The following IMPA2 variants were observed in gnomAD, a reference collection of about 807,000 sequenced individuals.
IMPA2 encodes the protein inositol monophosphatase 2.
Under a neutral mutation model 35.1 loss-of-function variants are expected in IMPA2, and 32 were observed. That is an observed-to-expected ratio of 0.91 (90% CI 0.69 to 1.23). IMPA2 has a LOEUF of 1.23. IMPA2 is among the 50% of genes most tolerant of loss of function. The pLI, the probability that IMPA2 is intolerant of heterozygous loss-of-function variation, is 0.00. For missense variants in IMPA2, 334 were observed against 387.6 expected (o/e 0.86, Z 1.16); for synonymous variants, 135 against 160.6 (o/e 0.84, Z 1.20).
chr18:12,015,429 G>A (rs1198407767), intron 5 of IMPA2, among the ~76,000 whole-genome samples: 1 of 152,262 alleles, frequency 6.6e-6, no homozygotes, highest in Non-Finnish European at 1.5e-5. Flanking sequence ...GAGGCAGCGA[G>A]AGGAGCTATG....
chr18:11,986,657 C>T (rs16976887), intron 1 of IMPA2, among the ~76,000 whole-genome samples: 7 of 152,198 alleles, frequency 4.6e-5, no homozygotes, highest in African/African-American at 1.4e-4. Context: ...TAATGAGTGA[C>T]GTAACACTGA....
intron 1 of IMPA2, among the ~76,000 whole-genome samples, chr18:11,983,727 C>G (rs1019361754): frequency 1.3e-5 from 2 of 152,088 alleles, no homozygotes; most frequent in Admixed American, 1.3e-4. Context: ...AGGCATTATG[C>G]TGATGCTTCC....
At position 11,991,023 on chromosome 18, in the gene IMPA2, A is replaced by G. The variant is rs556943793; in HGVS notation, c.97-8031A>G. Reference sequence around the variant, plus strand: ...TTGAGCTCAGGCCGTGGAGCTGGGCAGGGTGTGAGGTGGAGGCCATCTCCA... The same window carrying G: ...TTGAGCTCAGGCCGTGGAGCTGGGCGGGGTGTGAGGTGGAGGCCATCTCCA... On this transcript the variant is annotated intron_variant, in intron 1 of 7. Coordinates refer to ENST00000269159, the MANE Select transcript of IMPA2 (RefSeq NM_014214.3). This position sits in a 1 kb window ranked among gnomAD's most constrained non-coding sequence, Gnocchi z 4.1. Among the ~76,000 whole-genome samples, 1 of 152,326 alleles carries G rather than the reference A, an allele frequency of 6.6e-6. No homozygotes were observed. The highest frequency in any genetic ancestry group is 1.9e-4 in the East Asian group (1 of 5,180).
At chr18:12,003,513 T>C (rs1907169299) in intron 2 of IMPA2, among the ~76,000 whole-genome samples, 1 of 151,978 alleles carries the variant, frequency 6.6e-6, no homozygotes, top group Non-Finnish European at 1.5e-5. Flanking sequence ...AGCTGGGCCA[T>C]GGTGGCGCAT....
chr18:12,020,179 T>TATTTATTTATTTATTG (rs554155222), intron 5 of IMPA2, among the ~76,000 whole-genome samples: 4 of 151,118 alleles, frequency 2.6e-5, no homozygotes, highest in African/African-American at 9.8e-5. Flanking sequence ...GGCCTTTATT[T>TATTTATTTATTTATTG]ATTGATTGAT....
intron 2 of IMPA2, among the ~76,000 whole-genome samples, chr18:12,009,007 G>GGGGCAGAGGC (rs1907357325): frequency 8.3e-6 from 1 of 120,698 alleles, no homozygotes; most frequent in Non-Finnish European, 1.6e-5. Context: ...CAGGGCACAT[G>GGGGCAGAGGC]GGGCAGGGAG....
At chr18:12,012,035 A>G (rs1224346216) in intron 3 of IMPA2, 135 bp from the exon 4 acceptor site, 2 of 682,066 alleles carry the variant, frequency 2.9e-6, no homozygotes, top group Non-Finnish European at 5.3e-6. Flanking sequence ...AACTGTGGGA[A>G]GTAGTTTTTA....
In IMPA2 at chr18:12,007,679, C is replaced by CTTT. The variant is rs1207450457; in HGVS notation, c.231-2204_231-2203insTTT. On this transcript the variant is annotated intron_variant, in intron 2 of 7. Transcript: ENST00000269159. Reference sequence around the variant, plus strand: ...TCTTTCTTTCTTTCTTTCTTTCTTTCCTTTCTTTCCTTTCTTTCCTTTCTT... The same window carrying CTTT: ...TCTTTCTTTCTTTCTTTCTTTCTTTCTTTCTTTCTTTCCTTTCTTTCCTTTCTT... 9.9e-3 allele frequency among the ~76,000 whole-genome samples: 474 copies of CTTT among 47,946 alleles called. 1 individual carries two copies. The highest frequency in any genetic ancestry group is 0.014 in the South Asian group (17 of 1,244). The allele number at this position is 47,946 out of a possible 152,430, so 31.5% of individuals were successfully genotyped here.
At position 12,030,441 on chromosome 18, in the gene IMPA2, C is replaced by T. The variant is rs747599022; in HGVS notation, c.850C>T (p.Arg284Trp). Residue 284 changes from arginine to tryptophan, a missense_variant, in exon 8 of 8, where the codon CGG (arginine) becomes TGG (tryptophan). Arg to Trp is a moderately radical substitution (Grantham distance 101). Coordinates refer to ENST00000269159, the MANE Select transcript of IMPA2 (RefSeq NM_014214.3). ...AQALQTINYG[R>W]DDEK ...GGCCTTACAGACGATTAACTATGGG[C>T]GGGATGATGAGAAGTGACTGCGGCT... is the stretch of plus-strand genomic sequence containing the variant. 8.7e-6 allele frequency: 14 copies of T among 1,613,792 alleles called. No individual in the cohort carries two copies. The highest frequency in any genetic ancestry group is 1.1e-5 in the Non-Finnish European group (13 of 1,179,816).
At chr18:11,981,959 C>G (rs866788950) in intron 1 of IMPA2, among the ~76,000 whole-genome samples, 194 bp downstream of exon 1, 15 of 152,048 alleles carry the variant, frequency 9.9e-5, no homozygotes, top group African/African-American at 3.4e-4. Context: ...CCTTCTCCAA[C>G]TCCCGGAGCC....
chr18:11,997,728 C>G (rs192627919), intron 1 of IMPA2, among the ~76,000 whole-genome samples: 3 of 152,122 alleles, frequency 2.0e-5, no homozygotes, highest in African/African-American at 7.2e-5. Context: ...ATGTCACGTC[C>G]GGGCACCTGG....
intron 2 of IMPA2, among the ~76,000 whole-genome samples, chr18:12,004,165 C>T (rs192002114): frequency 7.9e-5 from 12 of 152,268 alleles, no homozygotes; most frequent in Admixed American, 7.8e-4. Flanking sequence ...TCCCACTGGG[C>T]AGTGGCTTGT....
intron 2 of IMPA2, among the ~76,000 whole-genome samples, chr18:12,005,084 C>T (rs1022727180): frequency 6.6e-6 from 1 of 152,216 alleles, no homozygotes; most frequent in Non-Finnish European, 1.5e-5. Flanking sequence ...CGGTTCACGC[C>T]TCTGCTGGCC....
chr18:11,989,135 G>T (rs1906741693), intron 1 of IMPA2, among the ~76,000 whole-genome samples: 1 of 152,224 alleles, frequency 6.6e-6, no homozygotes, highest in African/African-American at 2.4e-5. Flanking sequence ...AGGAGAGCAG[G>T]CTTGGCCACT....
intron 5 of IMPA2, among the ~76,000 whole-genome samples, chr18:12,025,303 T>A (rs1907850069): frequency 6.6e-6 from 1 of 152,242 alleles, no homozygotes; most frequent in Non-Finnish European, 1.5e-5. Flanking sequence ...CTTCTAAGTG[T>A]TGGCAGTTAT....
chr18:12,002,543 G>A (rs1276930676), intron 2 of IMPA2, among the ~76,000 whole-genome samples: 3 of 152,114 alleles, frequency 2.0e-5, no homozygotes, highest in African/African-American at 7.2e-5. Flanking sequence ...GGAGCCCAAG[G>A]TCAGAGGATT....
chr18:11,986,655 G>A (rs549571252), intron 1 of IMPA2, among the ~76,000 whole-genome samples: 37 of 152,300 alleles, frequency 2.4e-4, no homozygotes, highest in African/African-American at 7.9e-4. Context: ...TTTAATGAGT[G>A]ACGTAACACT....
intron 2 of IMPA2, 106 bp from the exon 3 acceptor site, chr18:12,009,777 A>G: frequency 1.2e-6 from 1 of 804,980 alleles, no homozygotes; most frequent in Non-Finnish European, 2.2e-6. Context: ...CCATGATGAC[A>G]TCTGTTTGCT....
At chr18:12,024,388 A>T (rs879588831) in intron 5 of IMPA2, among the ~76,000 whole-genome samples, 2 of 148,628 alleles carry the variant, frequency 1.3e-5, no homozygotes, top group African/African-American at 2.5e-5. Flanking sequence ...GGAGGCTGAG[A>T]CAAGAGAACT....
Sources: allele counts gnomAD v4.1 joint callset (sites outside exome capture counted in the v4.1 genomes callset), GRCh38; gene constraint gnomAD v4.1.1; non-coding constraint Gnocchi (gnomAD v3.1); transcripts MANE v1.5; gene names NCBI Gene and HGNC (gene_info 2026-07-23, HGNC 2026-07-21).